Variants in DOK6 observed in about 807,000 individuals in gnomAD.
DOK6 encodes the protein downstream of tyrosine kinase 6.
Under a neutral mutation model 44.0 loss-of-function variants are expected in DOK6, and 22 were observed. The observed-to-expected ratio is 0.50, with a 90% CI of 0.36 to 0.71. The LOEUF (loss-of-function observed/expected upper bound fraction) is 0.71. DOK6 is among the 30% of genes least tolerant of loss of function. The pLI is 0.00. For synonymous variants in DOK6, 166 were observed against 145.5 expected (o/e 1.14, Z -1.01); for missense variants, 340 against 416.4 (o/e 0.82, Z 1.60).
intron 1 of DOK6, among the ~76,000 whole-genome samples, chr18:69,513,089 T>C (rs1314896958): frequency 7.0e-6 from 1 of 143,192 alleles, no homozygotes; most frequent in Non-Finnish European, 1.6e-5. Flanking sequence ...TATTTTTCAT[T>C]TTATATCTAT....
At chr18:69,519,843 C>A (rs998752803) in intron 1 of DOK6, among the ~76,000 whole-genome samples, 7 of 151,756 alleles carry the variant, frequency 4.6e-5, no homozygotes, top group African/African-American at 1.7e-4. Flanking sequence ...ATACTCATAA[C>A]TGTATTATGC....
At chr18:69,821,723 C>G (rs1981576110) in intron 7 of DOK6, among the ~76,000 whole-genome samples, 1 of 151,702 alleles carries the variant, frequency 6.6e-6, no homozygotes, top group African/African-American at 2.4e-5. Context: ...ATAATTTTTC[C>G]CCTGTGAAAA....
At chr18:69,777,143 A>AAT (rs1491510036) in intron 7 of DOK6, among the ~76,000 whole-genome samples, 16 of 16,224 alleles carry the variant, frequency 9.9e-4, no homozygotes, top group Non-Finnish European at 5.9e-3. Context: ...AAAGTATAAT[A>AAT]AAAAAAAAAA....
rs940725542 is a variant in DOK6, at chr18:69,467,776, A to G, written c.66+66466A>G. ...ACCTGAGGAGTTTGTGTAAATACGC[A>G]GTTTCCTGTATCATTTATTACTATG... On this transcript the variant is annotated intron_variant, in intron 1 of 7. Coordinates refer to ENST00000382713, the MANE Select transcript of DOK6 (RefSeq NM_152721.6). 1.1e-4 allele frequency among the ~76,000 whole-genome samples: 16 copies of G among 152,184 alleles called. No homozygotes were observed. The East Asian group carries it at 1.2e-3, about 11-fold the overall frequency.
At chr18:69,773,401 T>G (rs1979946827) in intron 7 of DOK6, among the ~76,000 whole-genome samples, 1 of 152,006 alleles carries the variant, frequency 6.6e-6, no homozygotes, top group Non-Finnish European at 1.5e-5. Flanking sequence ...TCATGTTCAT[T>G]GCAGTAGTAT....
intron 3 of DOK6, among the ~76,000 whole-genome samples, chr18:69,655,656 G>A (rs1264796964): frequency 2.6e-5 from 4 of 151,250 alleles, no homozygotes; most frequent in African/African-American, 9.7e-5. Flanking sequence ...AGGAGACTGA[G>A]GCAGGAGAAT....
intron 1 of DOK6, among the ~76,000 whole-genome samples, chr18:69,413,298 A>G (rs1978313947): frequency 6.6e-6 from 1 of 152,100 alleles, no homozygotes; most frequent in Admixed American, 6.6e-5. Context: ...GTCTTCAGCA[A>G]CAAGTAGATA....
At chr18:69,672,706 A>AGG (rs1395760373) in intron 3 of DOK6, among the ~76,000 whole-genome samples, 1 of 132,746 alleles carries the variant, frequency 7.5e-6, no homozygotes, top group African/African-American at 2.6e-5. Context: ...TAAAAAAAAA[A>AGG]AGGGGGGGGT....
chr18:69,582,953 A>G (rs1335180207), intron 2 of DOK6, among the ~76,000 whole-genome samples: 1 of 151,916 alleles, frequency 6.6e-6, no homozygotes, highest in Non-Finnish European at 1.5e-5. Context: ...TTACTTTTCC[A>G]TTTCTCCTAG....
At chr18:69,578,089 T>A (rs1037701703) in intron 2 of DOK6, among the ~76,000 whole-genome samples, 5 of 149,408 alleles carry the variant, frequency 3.3e-5, no homozygotes, top group South Asian at 2.1e-4. Flanking sequence ...ATAAATAAAT[T>A]ATTTAAAAAG....
At chr18:69,610,576 A>G (rs954540623) in intron 3 of DOK6, among the ~76,000 whole-genome samples, 5 of 152,208 alleles carry the variant, frequency 3.3e-5, no homozygotes, top group African/African-American at 4.8e-5. Context: ...TTCTTCAGGC[A>G]AAGCAACCAC....
chr18:69,552,769 C>G (rs1982596580), intron 1 of DOK6, among the ~76,000 whole-genome samples: 1 of 152,228 alleles, frequency 6.6e-6, no homozygotes, highest in Non-Finnish European at 1.5e-5. Flanking sequence ...CTGCTTGACA[C>G]TAAGCAACTG....
intron 1 of DOK6, among the ~76,000 whole-genome samples, chr18:69,505,413 A>T (rs951708635): frequency 6.6e-6 from 1 of 151,354 alleles, no homozygotes; most frequent in African/African-American, 2.4e-5. Flanking sequence ...GTGGGAAAAA[A>T]CCTGTGGTGG....
At chr18:69,796,099 C>T (rs17203725) in intron 7 of DOK6, among the ~76,000 whole-genome samples, 13,927 of 152,194 alleles carry the variant, frequency 0.092, 851 homozygotes, top group Non-Finnish European at 0.13. Flanking sequence ...TGGCCAGAGT[C>T]CCAATTACTG....
intron 1 of DOK6, among the ~76,000 whole-genome samples, chr18:69,554,130 G>A (rs1414070807): frequency 1.3e-5 from 2 of 152,212 alleles, no homozygotes; most frequent in East Asian, 3.9e-4. Flanking sequence ...TGTAATTAAG[G>A]CACCCGTAGA....
At chr18:69,737,904 C>A (rs1978666934) in intron 5 of DOK6, among the ~76,000 whole-genome samples, 1 of 152,176 alleles carries the variant, frequency 6.6e-6, no homozygotes, top group African/African-American at 2.4e-5. Flanking sequence ...CAACCTCAAA[C>A]AAGATGCACT....
intron 6 of DOK6, among the ~76,000 whole-genome samples, chr18:69,739,786 T>C (rs1978738518): frequency 6.6e-6 from 1 of 152,194 alleles, no homozygotes; most frequent in South Asian, 2.1e-4. Context: ...AGATGAGTAT[T>C]GTTTTTTCTC....
chr18:69,811,531 T>TATAC (rs1981228101), intron 7 of DOK6, among the ~76,000 whole-genome samples: 1 of 13,570 alleles, frequency 7.4e-5, no homozygotes, highest in African/African-American at 1.4e-4. Context: ...CCATTATATA[T>TATAC]ATATATATAT....
rs759386628 is a variant in DOK6, at chr18:69,677,867, T to C, written c.409+14T>C. On this transcript the variant is annotated intron_variant, in intron 4 of 7. Coordinates refer to ENST00000382713, the MANE Select transcript of DOK6 (RefSeq NM_152721.6). ...GGGAACAGAATGGTAGGTGTGAGAT[T>C]GCCTTCCATCACTTCAGAATACCCT... 6.2e-7 allele frequency: 1 copy of C among 1,611,732 alleles called. No homozygotes were observed. Among genetic ancestry groups the C allele is most frequent in the Non-Finnish European group, 8.5e-7 (1 of 1,178,664 alleles).
Sources: allele counts gnomAD v4.1 joint callset (sites outside exome capture counted in the v4.1 genomes callset), GRCh38; gene constraint gnomAD v4.1.1; transcripts MANE v1.5; gene names NCBI Gene and HGNC (gene_info 2026-07-23, HGNC 2026-07-21).